Variants in PTPN14 observed in about 807,000 individuals in gnomAD.
The protein encoded by PTPN14 is tyrosine-protein phosphatase non-receptor type 14.
PTPN14 carries 53 observed loss-of-function variants against 126.8 expected under a neutral mutation model. The ratio of observed to expected loss-of-function variants is 0.42; its 90% CI spans 0.34 to 0.53. The LOEUF is 0.53. Among genes scored for constraint, PTPN14 ranks in the 20% least tolerant of loss-of-function variants. The pLI is 0.08. For missense variants in PTPN14, 1,257 were observed against 1,552.9 expected, an observed-to-expected ratio of 0.81 and a Z score of 3.20; for synonymous variants, 630 against 599.3, an observed-to-expected ratio of 1.05 and a Z score of -0.75.
rs376012569 is a variant in PTPN14 at position 214,473,647 on chromosome 1, G to T, written c.-154-8690C>A. ...AAAACTGATGCAACTAGTCTGTGCT[G>T]TGTATAAACCTGCATAGGGCACAGC... On this transcript the variant is annotated intron_variant, in intron 1 of 18. Coordinates refer to ENST00000366956, the MANE Select transcript of PTPN14 (RefSeq NM_005401.5). 3.6e-4 allele frequency among the ~76,000 whole-genome samples: 55 copies of T among 152,320 alleles called. 1 individual carries two copies. The highest frequency in any genetic ancestry group is 3.5e-3 in the East Asian group (18 of 5,186).
intron 7 of PTPN14, among the ~76,000 whole-genome samples, 159 bp from the exon 8 acceptor site, chr1:214,398,160 A>C (rs182632190): frequency 3.9e-5 from 6 of 152,382 alleles, no homozygotes; most frequent in Non-Finnish European, 5.9e-5. Flanking sequence ...TTCAGCCTTA[A>C]AACAGAATAA....
At chr1:214,426,248 C>T (rs927675400) in intron 3 of PTPN14, among the ~76,000 whole-genome samples, 26 of 151,856 alleles carry the variant, frequency 1.7e-4, no homozygotes, top group African/African-American at 6.3e-4. Flanking sequence ...CATCTCACTG[C>T]CCAAGAATCT....
At chr1:214,377,916 A>G (rs1658379724) in intron 14 of PTPN14, 43 bp downstream of exon 14, 5 of 1,585,198 alleles carry the variant, frequency 3.2e-6, no homozygotes, top group Non-Finnish European at 4.3e-6. Context: ...TTGGGATCCT[A>G]AGACTACAGA....
chr1:214,512,127 C>T (rs774649764), intron 1 of PTPN14, among the ~76,000 whole-genome samples: 1 of 152,128 alleles, frequency 6.6e-6, no homozygotes, highest in Non-Finnish European at 1.5e-5. Context: ...TCAGTGCCCA[C>T]ACCCCCAACC....
intron 5 of PTPN14, among the ~76,000 whole-genome samples, chr1:214,410,117 CT>C (rs1369018535): frequency 6.6e-6 from 1 of 151,814 alleles, no homozygotes; most frequent in Non-Finnish European, 1.5e-5. Flanking sequence ...CTGTTGTTTC[CT>C]TTGTTGCACA....
At chr1:214,381,095 A>G (rs1658461410) in intron 13 of PTPN14, among the ~76,000 whole-genome samples, 1 of 152,260 alleles carries the variant, frequency 6.6e-6, no homozygotes. Flanking sequence ...CATCTGGAGA[A>G]AAAACAATAG....
rs376933329 is a variant in PTPN14 at position 214,399,318 on chromosome 1, G to T, written c.670-1317C>A. Reference sequence around the variant, plus strand: ...CATCCTAGTGGACTATATAGATAGAGAGATAGATATTTTTTTCCTTTTTTC... The same window carrying T: ...CATCCTAGTGGACTATATAGATAGATAGATAGATATTTTTTTCCTTTTTTC... On this transcript the variant is annotated intron_variant, in intron 7 of 18. Coordinates refer to ENST00000366956, the MANE Select transcript of PTPN14 (RefSeq NM_005401.5). 1.6e-4 allele frequency among the ~76,000 whole-genome samples: 25 copies of T among 152,310 alleles called. No individual in the cohort carries two copies. The East Asian group carries it at 3.7e-3, about 22-fold the overall frequency.
chr1:214,465,884 T>C (rs1660622560), intron 1 of PTPN14, among the ~76,000 whole-genome samples: 1 of 146,698 alleles, frequency 6.8e-6, no homozygotes, highest in African/African-American at 2.5e-5. Flanking sequence ...ATGTCTTATG[T>C]TTTATTATTT....
chr1:214,476,099 G>C (rs547791193), intron 1 of PTPN14, among the ~76,000 whole-genome samples: 1 of 152,154 alleles, frequency 6.6e-6, no homozygotes, highest in Non-Finnish European at 1.5e-5. Context: ...TCAGCCCAAG[G>C]AAGCTCTATC....
At chr1:214,418,988 T>TG (rs148068619) in intron 3 of PTPN14, among the ~76,000 whole-genome samples, 1,862 of 152,316 alleles carry the variant, frequency 0.012, 48 homozygotes, top group African/African-American at 0.042. Flanking sequence ...AGGTACAAAC[T>TG]GGGCCCTTAT....
chr1:214,487,721 A>G (rs1661147209), intron 1 of PTPN14, among the ~76,000 whole-genome samples: 1 of 152,176 alleles, frequency 6.6e-6, no homozygotes, highest in South Asian at 2.1e-4. Flanking sequence ...TTAGTCTGTG[A>G]AGAAGGTTTG....
chr1:214,479,962 T>C (rs1660950418), intron 1 of PTPN14, among the ~76,000 whole-genome samples: 1 of 152,232 alleles, frequency 6.6e-6, no homozygotes, highest in Non-Finnish European at 1.5e-5. Context: ...ATATCTTTCA[T>C]TATTTATGAT....
intron 1 of PTPN14, chr1:214,532,844 G>A: frequency 1.0e-6 from 1 of 971,424 alleles, no homozygotes; most frequent in Non-Finnish European, 1.6e-6. Context: ...GAACTAAAAG[G>A]CCTACAAGCC....
At chr1:214,402,778 TG>T in intron 6 of PTPN14, 104 bp downstream of exon 6, 1 of 1,258,960 alleles carries the variant, frequency 7.9e-7, no homozygotes, top group East Asian at 2.3e-5. Context: ...AATACAAGTG[TG>T]TTGGCTCAAG....
Position 214,536,682 on chromosome 1 carries a change from G to A in PTPN14, c.-155+14501C>T, listed in dbSNP as rs111942235. Among the ~76,000 whole-genome samples the A allele has an allele frequency of 8.7e-3, 1,329 of 152,152 alleles. 20 individuals carry two copies. Among genetic ancestry groups the A allele is most frequent in the African/African-American group, 0.031 (1,274 of 41,484 alleles). ...TGCCTGTATTCCTAGCTACTCAGGAGGCTGAGGTAGGAAGATCTCAAGATC... is the reference window on the plus strand; with the variant it reads ...TGCCTGTATTCCTAGCTACTCAGGAAGCTGAGGTAGGAAGATCTCAAGATC... On this transcript the variant is annotated intron_variant, in intron 1 of 18. Transcript: ENST00000366956.
chr1:214,446,293 G>A (rs912104879), intron 3 of PTPN14, among the ~76,000 whole-genome samples: 21 of 151,992 alleles, frequency 1.4e-4, no homozygotes, highest in Admixed American at 1.1e-3. Context: ...TTGTAGCCCT[G>A]TGTGTATTTT....
At chr1:214,482,644 T>C (rs1276474960) in intron 1 of PTPN14, among the ~76,000 whole-genome samples, 3 of 152,112 alleles carry the variant, frequency 2.0e-5, no homozygotes, top group Non-Finnish European at 2.9e-5. Context: ...AAAAGCAACG[T>C]TGAACTTTCA....
At chr1:214,382,660 A>T (rs1405591603) in intron 13 of PTPN14, among the ~76,000 whole-genome samples, 1 of 152,186 alleles carries the variant, frequency 6.6e-6, no homozygotes, top group Admixed American at 6.5e-5. Flanking sequence ...AGAGCTATTC[A>T]TGTCTAGTAC....
intron 1 of PTPN14, among the ~76,000 whole-genome samples, chr1:214,490,389 A>G (rs924807191): frequency 2.6e-4 from 39 of 152,254 alleles, no homozygotes; most frequent in Non-Finnish European, 5.6e-4. Context: ...GTTGATCATC[A>G]GATCACAGTA....
Sources: gnomAD v4.1 joint callset for allele counts (sites outside exome capture counted in the v4.1 genomes callset) on GRCh38, gnomAD v4.1.1 for gene constraint, MANE v1.5 for transcripts, NCBI Gene and HGNC (gene_info 2026-07-23, HGNC 2026-07-21) for gene names.